PCDH15: variants seen among roughly 807,000 people sequenced by gnomAD.
PCDH15 encodes the protein protocadherin-15.
In PCDH15, 129 loss-of-function variants were observed where a neutral mutation model predicts 178.5. The ratio of observed to expected loss-of-function variants is 0.72; its 90% CI spans 0.63 to 0.84. The LOEUF (loss-of-function observed/expected upper bound fraction) is 0.84. Ranked by LOEUF, PCDH15 falls within the 40% of genes least tolerant of loss-of-function variation. The pLI is 0.00. For synonymous variants in PCDH15, 800 were observed against 732.0 expected (o/e 1.09, Z -1.50); for missense variants, 2,230 against 2,099.9 (o/e 1.06, Z -1.21).
At chr10:55,157,343 T>A (rs1308098944) in intron 2 of PCDH15, among the ~76,000 whole-genome samples, 1 of 149,176 alleles carries the variant, frequency 6.7e-6, no homozygotes, top group Non-Finnish European at 1.5e-5. Flanking sequence ...AGGAACACTT[T>A]TACACTGTTG....
chr10:54,651,022 A>G (rs1421185669), intron 2 of PCDH15, among the ~76,000 whole-genome samples: 2 of 152,118 alleles, frequency 1.3e-5, no homozygotes, highest in Admixed American at 6.6e-5. Context: ...CAAAAAAGTG[A>G]ACCCTACAAG....
chr10:53,898,604 T>C (rs2133596001), intron 26 of PCDH15, among the ~76,000 whole-genome samples: 1 of 152,296 alleles, frequency 6.6e-6, no homozygotes. Flanking sequence ...ATACAATTCA[T>C]GTACTTAAAT....
intron 2 of PCDH15, among the ~76,000 whole-genome samples, chr10:54,536,547 T>C (rs1268660584): frequency 6.6e-6 from 1 of 152,168 alleles, no homozygotes; most frequent in Non-Finnish European, 1.5e-5. Flanking sequence ...TGCAGGTTGT[T>C]ATCTGGGTAT....
At chr10:55,625,352 G>T (rs1385496297) in intron 2 of PCDH15, among the ~76,000 whole-genome samples, 2 of 151,970 alleles carry the variant, frequency 1.3e-5, no homozygotes, top group Non-Finnish European at 2.9e-5. Flanking sequence ...TAAATACTAG[G>T]GAAAGTTTTT....
chr10:54,976,808 G>A (rs2131899539), intron 2 of PCDH15, among the ~76,000 whole-genome samples: 1 of 152,208 alleles, frequency 6.6e-6, no homozygotes, highest in Non-Finnish European at 1.5e-5. Context: ...TACAGAGGTG[G>A]TTTCAGCCCC....
chr10:55,467,966 CAAAAAAAAAAAAA>C (rs71463104), intron 2 of PCDH15, among the ~76,000 whole-genome samples: 6 of 36,642 alleles, frequency 1.6e-4, no homozygotes, highest in African/African-American at 4.6e-4. Context: ...GACTCCGTCT[CAAAAAAAAAAAAA>C]AAAAAAAAAA....
intron 2 of PCDH15, among the ~76,000 whole-genome samples, chr10:55,044,476 G>T (rs1840947580): frequency 6.6e-6 from 1 of 151,920 alleles, no homozygotes; most frequent in Admixed American, 6.6e-5. Context: ...TTTTAGCCTA[G>T]CAATTTCCCT....
chr10:53,875,384 A>C (rs1048826077), intron 26 of PCDH15, among the ~76,000 whole-genome samples: 2 of 151,926 alleles, frequency 1.3e-5, no homozygotes, highest in Non-Finnish European at 2.9e-5. Context: ...TAATAAGGAG[A>C]TGTCTAACAA....
intron 8 of PCDH15, among the ~76,000 whole-genome samples, chr10:54,279,267 G>A (rs1169505656): frequency 6.6e-6 from 1 of 151,500 alleles, no homozygotes; most frequent in Non-Finnish European, 1.5e-5. Context: ...ATAACAGGAT[G>A]TTCTATTGGT....
At chr10:54,274,308 T>C (rs2058221837) in intron 8 of PCDH15, among the ~76,000 whole-genome samples, 1 of 152,044 alleles carries the variant, frequency 6.6e-6, no homozygotes, top group South Asian at 2.1e-4. Context: ...GAATGAAGCC[T>C]GTCAGAACCA....
intron 2 of PCDH15, among the ~76,000 whole-genome samples, chr10:55,473,011 A>C (rs1257297797): frequency 1.3e-5 from 2 of 152,214 alleles, no homozygotes; most frequent in African/African-American, 4.8e-5. Flanking sequence ...TTTTGCAAAA[A>C]CATGATCTTA....
intron 2 of PCDH15, among the ~76,000 whole-genome samples, chr10:54,594,107 A>G (rs1468002579): frequency 6.6e-6 from 1 of 152,068 alleles, no homozygotes; most frequent in Admixed American, 6.6e-5. Flanking sequence ...GGGTGAGTTG[A>G]ACAGAAATGA....
chr10:53,951,624 A>C (rs1453990612), intron 23 of PCDH15, among the ~76,000 whole-genome samples: 1 of 152,262 alleles, frequency 6.6e-6, no homozygotes, highest in Non-Finnish European at 1.5e-5. Flanking sequence ...GTATGCTTCT[A>C]AAATATACAA....
intron 32 of PCDH15, 145 bp downstream of exon 32, chr10:53,827,248 G>T: frequency 1.0e-5 from 12 of 1,204,512 alleles, no homozygotes; most frequent in South Asian, 2.7e-5. Flanking sequence ...TTAGATTTTC[G>T]TCTTAACAAA....
At chr10:55,034,751 A>G (rs1591848609) in intron 2 of PCDH15, among the ~76,000 whole-genome samples, 2 of 152,194 alleles carry the variant, frequency 1.3e-5, no homozygotes, top group South Asian at 2.1e-4. Context: ...ATTATGTTTT[A>G]TAAAAACCTG....
intron 28 of PCDH15, among the ~76,000 whole-genome samples, chr10:53,855,647 T>C (rs1221238104): frequency 1.3e-5 from 2 of 151,868 alleles, no homozygotes; most frequent in African/African-American, 2.4e-5. Flanking sequence ...GTTATCTGAC[T>C]CTTTAAAGCT....
chr10:53,966,365 GT>G (rs772418248), intron 21 of PCDH15, among the ~76,000 whole-genome samples: 12 of 152,022 alleles, frequency 7.9e-5, no homozygotes, highest in Non-Finnish European at 1.5e-4. Context: ...ACATTTAAAA[GT>G]TTTTTTCTCT....
At chr10:54,503,076 A>G (rs1329141467) in intron 3 of PCDH15, among the ~76,000 whole-genome samples, 2 of 151,434 alleles carry the variant, frequency 1.3e-5, no homozygotes, top group East Asian at 1.9e-4. Context: ...ATAAAATCTT[A>G]CTTGTTTATT....
chr10:54,778,474 T>A (rs1949942448), intron 1 of PCDH15, among the ~76,000 whole-genome samples: 1 of 152,278 alleles, frequency 6.6e-6, no homozygotes, highest in Admixed American at 6.5e-5. Flanking sequence ...AGAAGCACTA[T>A]GGAATGAAAC....
Sources: gnomAD v4.1 joint callset for allele counts (sites outside exome capture counted in the v4.1 genomes callset) on GRCh38, gnomAD v4.1.1 for gene constraint, MANE v1.5 for transcripts, NCBI Gene and HGNC (gene_info 2026-07-23, HGNC 2026-07-21) for gene names.